TENM3: variants seen among roughly 807,000 people sequenced by gnomAD.
TENM3 encodes the protein teneurin transmembrane protein 3, also known as teneurin-3.
In TENM3, 63 loss-of-function variants were observed where a neutral mutation model predicts 255.1. The ratio of observed to expected loss-of-function variants is 0.25; its 90% CI spans 0.20 to 0.30. TENM3 has a LOEUF of 0.30. Among genes scored for constraint, TENM3 ranks in the 10% least tolerant of loss-of-function variants. TENM3 has a pLI of 1.00. For synonymous variants in TENM3, 1,306 were observed against 1,322.3 expected, an observed-to-expected ratio of 0.99 and a Z score of 0.27; for missense variants, 2,929 against 3,461.1, an observed-to-expected ratio of 0.85 and a Z score of 3.86.
At chr4:182,373,221 C>T (rs1766964435) in intron 3 of TENM3, among the ~76,000 whole-genome samples, 4 of 152,170 alleles carry the variant, frequency 2.6e-5, no homozygotes, top group Non-Finnish European at 5.9e-5. Context: ...ACAGAAAAGA[C>T]TCTGCTGGTT....
chr4:182,356,722 T>G (rs1368452240), intron 3 of TENM3, among the ~76,000 whole-genome samples: 1 of 151,906 alleles, frequency 6.6e-6, no homozygotes, highest in Non-Finnish European at 1.5e-5. Context: ...TATTATTTTT[T>G]TATTATTATT....
chr4:182,533,684 G>A (rs183846819), intron 3 of TENM3, among the ~76,000 whole-genome samples: 8 of 152,220 alleles, frequency 5.3e-5, no homozygotes, highest in African/African-American at 1.9e-4. Context: ...GGGAGGCCAA[G>A]GCAGGTGGAT....
chr4:182,339,829 T>C (rs1489710717), intron 2 of TENM3, among the ~76,000 whole-genome samples: 1 of 152,180 alleles, frequency 6.6e-6, no homozygotes, highest in African/African-American at 2.4e-5. Flanking sequence ...CGTATTATCA[T>C]TGCCGGGCCT....
At chr4:182,312,189 A>G (rs1010211608) in intron 1 of TENM3, among the ~76,000 whole-genome samples, 24 of 152,264 alleles carry the variant, frequency 1.6e-4, no homozygotes, top group African/African-American at 5.8e-4. Flanking sequence ...CAGCATGAAA[A>G]AGCGTTTAAT....
chr4:182,134,493 T>C, the TENM3 span, among the ~76,000 whole-genome samples: 1 of 152,190 alleles, frequency 6.6e-6, no homozygotes, highest in Non-Finnish European at 1.5e-5. Context: ...CATAATCTTC[T>C]CATGGCCTAC....
At chr4:181,885,607 C>A in the TENM3 span, among the ~76,000 whole-genome samples, 1 of 152,100 alleles carries the variant, frequency 6.6e-6, no homozygotes, top group African/African-American at 2.4e-5. Flanking sequence ...AACAACACAA[C>A]CTCTACTTGA....
chr4:182,075,200 CT>C, the TENM3 span, among the ~76,000 whole-genome samples: 305 of 128,176 alleles, frequency 2.4e-3, no homozygotes, highest in Middle Eastern at 4.1e-3. Context: ...TGTTTTTTTT[CT>C]TTTTTTTTTT....
At chr4:182,187,708 A>T (rs1370700845) in intron 1 of TENM3, among the ~76,000 whole-genome samples, 4 of 152,144 alleles carry the variant, frequency 2.6e-5, no homozygotes, top group Non-Finnish European at 4.4e-5. Flanking sequence ...TCAGTGGCTT[A>T]AAAAAACGTT....
At chr4:181,852,329 A>G in the TENM3 span, among the ~76,000 whole-genome samples, 2 of 152,194 alleles carry the variant, frequency 1.3e-5, no homozygotes, top group Non-Finnish European at 2.9e-5. Flanking sequence ...TATTCAACAA[A>G]CATTTATAAC....
intron 3 of TENM3, among the ~76,000 whole-genome samples, chr4:182,513,831 C>T (rs1737664309): frequency 6.6e-6 from 1 of 152,228 alleles, no homozygotes. Context: ...TCAACCATCT[C>T]CTTTAGTGGG....
chr4:181,461,701 G>T, the TENM3 span, among the ~76,000 whole-genome samples: 1 of 152,042 alleles, frequency 6.6e-6, no homozygotes, highest in Non-Finnish European at 1.5e-5. Flanking sequence ...ATCTTTAGAA[G>T]TTCCACTGGG....
At chr4:181,890,275 A>G in the TENM3 span, among the ~76,000 whole-genome samples, 14 of 152,168 alleles carry the variant, frequency 9.2e-5, no homozygotes, top group Admixed American at 9.2e-4. Context: ...TTATCAGCCC[A>G]AGGGGTGCAT....
chr4:181,903,935 G>A, the TENM3 span, among the ~76,000 whole-genome samples: 1 of 152,058 alleles, frequency 6.6e-6, no homozygotes, highest in Non-Finnish European at 1.5e-5. Flanking sequence ...GGCTTTAGAT[G>A]TTGTCTCTAT....
chr4:181,818,089 GT>G, the TENM3 span, among the ~76,000 whole-genome samples: 1 of 152,122 alleles, frequency 6.6e-6, no homozygotes, highest in Non-Finnish European at 1.5e-5. Context: ...TTGTTTTATA[GT>G]TTAGCTTAGT....
chr4:181,448,222 A>T, the TENM3 span, among the ~76,000 whole-genome samples: 10 of 122,730 alleles, frequency 8.1e-5, no homozygotes, highest in South Asian at 2.9e-4. Flanking sequence ...GCTGGAGTGC[A>T]GTGGCGCGAT....
At chr4:181,770,106 G>A in the TENM3 span, among the ~76,000 whole-genome samples, 1 of 152,270 alleles carries the variant, frequency 6.6e-6, no homozygotes, top group Admixed American at 6.5e-5. Flanking sequence ...TGGGGCTGGG[G>A]GGTTAGTGTG....
chr4:182,200,745 G>A (rs1754136256), intron 1 of TENM3, among the ~76,000 whole-genome samples: 3 of 151,642 alleles, frequency 2.0e-5, no homozygotes, highest in Admixed American at 2.0e-4. Flanking sequence ...AATTCATAGG[G>A]TGATGTCAAT....
At chr4:182,750,919 T>G (rs193041587) in intron 19 of TENM3, among the ~76,000 whole-genome samples, 2 of 152,358 alleles carry the variant, frequency 1.3e-5, no homozygotes, top group Middle Eastern at 6.8e-3. Context: ...ATTTTAAGAA[T>G]GTGGCATTGA....
At chr4:182,090,518 G>C in the TENM3 span, among the ~76,000 whole-genome samples, 1 of 152,196 alleles carries the variant, frequency 6.6e-6, no homozygotes, top group Non-Finnish European at 1.5e-5. Flanking sequence ...ATTCTTGGAA[G>C]TGGAGTCCTA....
Sources: gnomAD v4.1 joint callset for allele counts (sites outside exome capture counted in the v4.1 genomes callset) on GRCh38, gnomAD v4.1.1 for gene constraint, MANE v1.5 for transcripts, NCBI Gene and HGNC (gene_info 2026-07-23, HGNC 2026-07-21) for gene names.